Variants in AUH observed in about 807,000 individuals in gnomAD.
The protein encoded by AUH is methylglutaconyl-CoA hydratase, mitochondrial.
Under a neutral mutation model 42.3 loss-of-function variants are expected in AUH, and 29 were observed. That is an observed-to-expected ratio of 0.69 (90% CI 0.51 to 0.93). The LOEUF (loss-of-function observed/expected upper bound fraction) is 0.93, where lower values mean the gene tolerates loss of function less well. AUH is among the 40% of genes least tolerant of loss of function. The pLI, the probability that AUH is intolerant of heterozygous loss-of-function variation, is 0.00. For synonymous variants in AUH, 174 were observed against 166.4 expected, an observed-to-expected ratio of 1.05 and a Z score of -0.35; for missense variants, 452 against 438.1, an observed-to-expected ratio of 1.03 and a Z score of -0.28.
chr9:91,260,972 T>C (rs1252500122), intron 6 of AUH, among the ~76,000 whole-genome samples: 1 of 152,234 alleles, frequency 6.6e-6, no homozygotes, highest in East Asian at 1.9e-4. Context: ...TCAGAGATTG[T>C]ACATTTTACC....
At chr9:91,307,540 C>T (rs1283321039) in intron 4 of AUH, among the ~76,000 whole-genome samples, 1 of 152,194 alleles carries the variant, frequency 6.6e-6, no homozygotes, top group Non-Finnish European at 1.5e-5. Flanking sequence ...ACACACCATT[C>T]TGAGTAGCAT....
chr9:91,296,055 C>G lies in AUH; in HGVS notation c.621G>C (p.Leu207=). The change falls in exon 6 of 10, where the codon CTG becomes CTC. Residue 207 remains leucine, a synonymous_variant. Coordinates refer to ENST00000375731, the MANE Select transcript of AUH (RefSeq NM_001698.3). ...RVAASSAKMG[L]VETKLAIIPG... The stretch of plus-strand genomic sequence containing the variant: ...GAATAATCGCCAATTTTGTTTCAAC[C>G]AGGCCCATTTTTGCAGAGGAAGCTA... 12 of 1,614,006 alleles carry G rather than the reference C, an allele frequency of 7.4e-6. No individual in the cohort carries two copies. Among genetic ancestry groups the G allele is most frequent in the Non-Finnish European group, 1.0e-5 (12 of 1,179,996 alleles).
In AUH at chr9:91,214,007, T is replaced by A. The variant is rs150802825; in HGVS notation, c.*341A>T. 4.0e-5 allele frequency: 10 copies of A among 248,154 alleles called. No individual in the cohort carries two copies. The highest frequency in any genetic ancestry group is 4.0e-5 in the Non-Finnish European group (5 of 126,040). 15.4% of individuals were successfully genotyped at this position (248,154 alleles called of 1,614,324 possible). A position where few individuals can be genotyped will look rare whatever the true frequency, so the allele number is the denominator to read the frequency against. On this transcript the variant is annotated 3_prime_UTR_variant, in exon 10 of 10. Coordinates refer to ENST00000375731, the MANE Select transcript of AUH (RefSeq NM_001698.3). ...TTTTCTTAATGCAGCACAGTAGACATACAATCAATATTATTCCCTAGAATG... is the reference window on the plus strand; with the variant it reads ...TTTTCTTAATGCAGCACAGTAGACAAACAATCAATATTATTCCCTAGAATG...
intron 3 of AUH, among the ~76,000 whole-genome samples, chr9:91,344,293 T>C (rs1295893129): frequency 6.6e-6 from 1 of 152,192 alleles, no homozygotes. Context: ...AGAACATCAC[T>C]GAATCTACCT....
intron 1 of AUH, among the ~76,000 whole-genome samples, chr9:91,359,708 G>T (rs1337397754): frequency 6.6e-6 from 1 of 152,162 alleles, no homozygotes; most frequent in Non-Finnish European, 1.5e-5. Flanking sequence ...CTAAAGTGCT[G>T]CATGCTGTTT....
At chr9:91,338,470 G>A (rs1476802661) in intron 3 of AUH, among the ~76,000 whole-genome samples, 1 of 152,174 alleles carries the variant, frequency 6.6e-6, no homozygotes, top group Non-Finnish European at 1.5e-5. Context: ...GCTGTTGTTG[G>A]CCTAGGCTGG....
intron 1 of AUH, 107 bp downstream of exon 1, chr9:91,361,521 T>C (rs573061979): frequency 2.1e-6 from 3 of 1,459,924 alleles, no homozygotes; most frequent in Admixed American, 2.2e-5. Flanking sequence ...TCGGTGCGCC[T>C]GCCTGACCTC....
At chr9:91,226,710 T>C (rs1378476807) in intron 6 of AUH, among the ~76,000 whole-genome samples, 1 of 120,616 alleles carries the variant, frequency 8.3e-6, no homozygotes, top group African/African-American at 3.2e-5. Flanking sequence ...CTTTAATCCA[T>C]CTTGAATTGA....
chr9:91,295,642 T>C (rs1332724961), intron 6 of AUH, among the ~76,000 whole-genome samples: 2 of 152,190 alleles, frequency 1.3e-5, no homozygotes, highest in Non-Finnish European at 2.9e-5. Flanking sequence ...GCAAAAAGAT[T>C]ATGATTCTTT....
In AUH at chr9:91,268,500, G is replaced by A. The variant is rs553869202; in HGVS notation, c.655+27521C>T. On this transcript the variant is annotated intron_variant, in intron 6 of 9. Coordinates refer to ENST00000375731, the MANE Select transcript of AUH (RefSeq NM_001698.3). ...GGCTGAAGTGCAGTGGCGCCATCTC[G>A]GCTCACTGCAACCTCGGCCTTCCAG... Among the ~76,000 whole-genome samples the A allele has an allele frequency of 1.5e-4, 23 of 152,070 alleles. No homozygotes were observed. The South Asian group carries it at 3.9e-3, about 26-fold the overall frequency.
At chr9:91,220,129 T>C (rs1299643652) in intron 7 of AUH, among the ~76,000 whole-genome samples, 2 of 152,222 alleles carry the variant, frequency 1.3e-5, no homozygotes, top group African/African-American at 2.4e-5. Flanking sequence ...GAAAAATATA[T>C]CTGAACGGGT....
intron 3 of AUH, among the ~76,000 whole-genome samples, chr9:91,346,289 G>A (rs1210435688): frequency 2.6e-5 from 4 of 152,164 alleles, no homozygotes; most frequent in African/African-American, 7.2e-5. Flanking sequence ...GAGCTCAGTC[G>A]CCAATGGCTA....
intron 6 of AUH, among the ~76,000 whole-genome samples, chr9:91,281,020 T>C (rs893153460): frequency 2.6e-5 from 4 of 152,186 alleles, no homozygotes; most frequent in African/African-American, 9.7e-5. Context: ...TGGGCTTGTT[T>C]AGGTTTACTC....
intron 6 of AUH, among the ~76,000 whole-genome samples, chr9:91,278,518 G>T (rs1825720354): frequency 6.6e-6 from 1 of 152,196 alleles, no homozygotes; most frequent in African/African-American, 2.4e-5. Flanking sequence ...GATCGTCACT[G>T]TTAAGTCTGA....
intron 3 of AUH, among the ~76,000 whole-genome samples, chr9:91,351,260 C>T (rs1277966817): frequency 1.3e-5 from 2 of 152,110 alleles, no homozygotes; most frequent in Admixed American, 1.3e-4. Context: ...TGTGAGCCAC[C>T]TGGCCCATGA....
At chr9:91,283,662 C>A (rs1172665146) in intron 6 of AUH, among the ~76,000 whole-genome samples, 2 of 152,144 alleles carry the variant, frequency 1.3e-5, no homozygotes, top group Admixed American at 1.3e-4. Context: ...TTCCTATACA[C>A]CAATAACAGA....
At chr9:91,283,728 TAA>T (rs1328852998) in intron 6 of AUH, among the ~76,000 whole-genome samples, 4 of 152,024 alleles carry the variant, frequency 2.6e-5, no homozygotes, top group Admixed American at 6.5e-5. Flanking sequence ...TCAAAGAGAA[TAA>T]AATACCTAGG....
At chr9:91,312,723 C>G (rs1264090413) in intron 4 of AUH, among the ~76,000 whole-genome samples, 1 of 152,000 alleles carries the variant, frequency 6.6e-6, no homozygotes, top group Non-Finnish European at 1.5e-5. Flanking sequence ...GGGACCCTAT[C>G]TTTTTTTTAA....
chr9:91,311,601 T>C (rs1828703803), intron 4 of AUH, among the ~76,000 whole-genome samples: 1 of 152,230 alleles, frequency 6.6e-6, no homozygotes, highest in Admixed American at 6.5e-5. Context: ...TCTAAAAATG[T>C]TTTCTATCTC....
Sources: gnomAD v4.1 joint callset for allele counts (sites outside exome capture counted in the v4.1 genomes callset) on GRCh38, gnomAD v4.1.1 for gene constraint, MANE v1.5 for transcripts, NCBI Gene and HGNC (gene_info 2026-07-23, HGNC 2026-07-21) for gene names.